The following IGF2BP2 variants were observed in gnomAD, a reference collection of about 807,000 sequenced individuals.
The protein encoded by IGF2BP2 is insulin-like growth factor 2 mRNA-binding protein 2.
A neutral mutation model predicts 75.8 loss-of-function variants in IGF2BP2; 17 were observed. That is an observed-to-expected ratio of 0.22 (90% CI 0.15 to 0.34). The LOEUF (loss-of-function observed/expected upper bound fraction) is 0.34, where lower values mean the gene tolerates loss of function less well. IGF2BP2 is among the 10% of genes least tolerant of loss of function. The probability of loss-of-function intolerance (pLI) is 1.00; values close to 1 mark genes in which losing one functional copy is unlikely to be tolerated. For missense variants in IGF2BP2, 516 were observed against 772.4 expected (o/e 0.67, Z 3.93); for synonymous variants, 288 against 295.6 (o/e 0.97, Z 0.26).
chr3:185,810,174 T>C (rs764638779), intron 2 of IGF2BP2, among the ~76,000 whole-genome samples: 1 of 152,214 alleles, frequency 6.6e-6, no homozygotes, highest in Non-Finnish European at 1.5e-5. Flanking sequence ...AAGTTACACA[T>C]TTTTTTAAAT....
chr3:185,675,675 T>C, intron 8 of IGF2BP2, 116 bp downstream of exon 8: 11 of 1,300,820 alleles, frequency 8.5e-6, no homozygotes, highest in Non-Finnish European at 1.1e-5. Context: ...ATGGAGATAA[T>C]TGCATCACTT....
chr3:185,823,344 C>T (rs1458683050), intron 1 of IGF2BP2, 131 bp from the exon 2 acceptor site: 1 of 544,956 alleles, frequency 1.8e-6, no homozygotes, highest in Non-Finnish European at 3.2e-6. Context: ...CTACCCGGAT[C>T]GAGCTGGGCG....
At chr3:185,684,881 T>C (rs191739296) in intron 7 of IGF2BP2, among the ~76,000 whole-genome samples, 278 of 152,082 alleles carry the variant, frequency 1.8e-3, no homozygotes, top group African/African-American at 6.4e-3. Flanking sequence ...CTGCTCATGG[T>C]TGTAGCCTCA....
intron 5 of IGF2BP2, among the ~76,000 whole-genome samples, chr3:185,690,061 C>CATACA (rs1166506926): frequency 6.6e-6 from 1 of 151,932 alleles, no homozygotes; most frequent in African/African-American, 2.4e-5. Flanking sequence ...AGGCACTGAA[C>CATACA]ATACAGTGGT....
At chr3:185,737,869 T>A (rs1393759229) in intron 2 of IGF2BP2, among the ~76,000 whole-genome samples, 2 of 152,232 alleles carry the variant, frequency 1.3e-5, no homozygotes, top group Non-Finnish European at 1.5e-5. Flanking sequence ...TCTCTTGGAT[T>A]ATGCTTTATA....
intron 9 of IGF2BP2, among the ~76,000 whole-genome samples, chr3:185,674,020 C>G (rs1274238517): frequency 6.6e-6 from 1 of 152,228 alleles, no homozygotes; most frequent in Non-Finnish European, 1.5e-5. Context: ...GTCTCCTGCT[C>G]TAGCTCTTCT....
intron 14 of IGF2BP2, among the ~76,000 whole-genome samples, chr3:185,649,024 C>T (rs149320817): frequency 1.7e-4 from 26 of 149,508 alleles, no homozygotes; most frequent in African/African-American, 5.9e-4. Flanking sequence ...GGGAATCCCC[C>T]CTTTCCAATT....
At position 185,647,300 on chromosome 3, in the gene IGF2BP2, C is replaced by T. The variant is rs1713746921; in HGVS notation, c.1594-162G>A. Among the ~76,000 whole-genome samples the T allele has an allele frequency of 1.3e-5, 2 of 152,054 alleles. No individual in the cohort carries two copies. The highest frequency in any genetic ancestry group is 4.8e-5 in the African/African-American group (2 of 41,380). ...AGGACACCCCGGGGGCTCCTCTGCC[C>T]CTGAGCACATGGGGCCATGTTGGTT... On this transcript the variant is annotated intron_variant, in intron 14 of 15. Transcript: ENST00000382199. The surrounding 1 kb of genome is among the most constrained non-coding windows in gnomAD (Gnocchi z 4.9).
chr3:185,821,272 G>GTGAATCA (rs1215058775), intron 2 of IGF2BP2: 1 of 668,988 alleles, frequency 1.5e-6, no homozygotes, highest in Non-Finnish European at 2.3e-6. Context: ...TTTCAGTGTA[G>GTGAATCA]TGAATCATAC....
chr3:185,795,698 T>C (rs1031030567), intron 2 of IGF2BP2, among the ~76,000 whole-genome samples: 102 of 152,240 alleles, frequency 6.7e-4, no homozygotes, highest in African/African-American at 2.4e-3. Flanking sequence ...CTGACCAATA[T>C]GGTGAAACCC....
chr3:185,821,034 CGTGGTA>C, intron 2 of IGF2BP2: 1 of 1,535,670 alleles, frequency 6.5e-7, no homozygotes, highest in Non-Finnish European at 8.7e-7. Context: ...AAGCCATCAA[CGTGGTA>C]GTGTCCAGGA....
chr3:185,705,081 T>C lies in IGF2BP2; in HGVS notation c.240-6734A>G, dbSNP rs550705618. On this transcript the variant is annotated intron_variant, in intron 2 of 15. Transcript: ENST00000382199. ...CAAATCATAAGAGGATTAAATTAAA[T>C]ACTGTGGTGACCTGCTGCAAAGGGC... Among the ~76,000 whole-genome samples the C allele has an allele frequency of 3.9e-5, 6 of 152,344 alleles. No homozygotes were observed. The South Asian group carries it at 1.2e-3, about 32-fold the overall frequency.
intron 2 of IGF2BP2, among the ~76,000 whole-genome samples, chr3:185,803,770 G>T (rs1560496256): frequency 6.6e-6 from 1 of 152,120 alleles, no homozygotes. Context: ...GGGGGGTAGG[G>T]GTACTCATTC....
intron 10 of IGF2BP2, among the ~76,000 whole-genome samples, chr3:185,668,937 G>A (rs988172170): frequency 5.9e-5 from 9 of 152,154 alleles, no homozygotes; most frequent in African/African-American, 2.2e-4. Context: ...GCAAGTGACA[G>A]TGTAGAAATT....
chr3:185,808,292 T>C (rs146070231), intron 2 of IGF2BP2, among the ~76,000 whole-genome samples: 9,006 of 150,328 alleles, frequency 0.06, 320 homozygotes, highest in African/African-American at 0.11. Flanking sequence ...CCTGCCAACA[T>C]GGTGAAACAC....
intron 2 of IGF2BP2, among the ~76,000 whole-genome samples, chr3:185,803,483 A>T (rs1370229956): frequency 6.6e-6 from 1 of 152,248 alleles, no homozygotes; most frequent in Non-Finnish European, 1.5e-5. Context: ...AAGTATTCTG[A>T]TCAAAGTTAT....
intron 2 of IGF2BP2, among the ~76,000 whole-genome samples, chr3:185,714,258 T>C (rs1725262061): frequency 6.6e-6 from 1 of 152,180 alleles, no homozygotes; most frequent in Non-Finnish European, 1.5e-5. Flanking sequence ...CTGTATAATA[T>C]TCAGTTTTAT....
chr3:185,749,155 CTCCG>C (rs950314374), intron 2 of IGF2BP2, among the ~76,000 whole-genome samples: 3 of 152,002 alleles, frequency 2.0e-5, no homozygotes, highest in African/African-American at 7.3e-5. Flanking sequence ...AAAAGCGAGA[CTCCG>C]TCTAAAAGAA....
At chr3:185,713,070 ATGTATGTGTG>A (rs1725043694) in intron 2 of IGF2BP2, among the ~76,000 whole-genome samples, 1 of 145,688 alleles carries the variant, frequency 6.9e-6, no homozygotes, top group African/African-American at 2.7e-5. Flanking sequence ...CCCTACAGAT[ATGTATGTGTG>A]TGTGTGTGTG....
Sources: gnomAD v4.1 joint callset for allele counts (sites outside exome capture counted in the v4.1 genomes callset) on GRCh38, gnomAD v4.1.1 for gene constraint, Gnocchi (gnomAD v3.1) non-coding constraint, MANE v1.5 for transcripts, NCBI Gene and HGNC (gene_info 2026-07-23, HGNC 2026-07-21) for gene names.